The following NXPE2 variants were observed in gnomAD, a reference collection of about 807,000 sequenced individuals.
NXPE2 encodes the protein neurexophilin and PC-esterase domain family member 2, also known as NXPE family member 2.
NXPE2 carries 34 observed loss-of-function variants against 34.4 expected under a neutral mutation model. That is an observed-to-expected ratio of 0.99 (90% CI 0.75 to 1.31). NXPE2 has a LOEUF of 1.31. Among genes scored for constraint, NXPE2 ranks in the 40% most tolerant of loss-of-function variants. NXPE2 has a pLI of 0.00. For synonymous variants in NXPE2, 235 were observed against 231.3 expected, an observed-to-expected ratio of 1.02 and a Z score of -0.15; for missense variants, 649 against 672.5, an observed-to-expected ratio of 0.97 and a Z score of 0.39.
chr11:114,466,555 AAT>A, the NXPE2 span, among the ~76,000 whole-genome samples: 38,443 of 151,230 alleles, frequency 0.25, 4,997 homozygotes, highest in East Asian at 0.37. Context: ...TAATTTCTTG[AAT>A]ATATATATAT....
chr11:114,608,975 C>A, the NXPE2 span, among the ~76,000 whole-genome samples: 24 of 151,986 alleles, frequency 1.6e-4, no homozygotes, highest in South Asian at 4.2e-3. Flanking sequence ...AGTGTTGCCT[C>A]GTGGGTAACC....
the NXPE2 span, among the ~76,000 whole-genome samples, chr11:114,803,064 C>T: frequency 6.6e-6 from 1 of 152,138 alleles, no homozygotes; most frequent in Non-Finnish European, 1.5e-5. Flanking sequence ...TCTCCACCAA[C>T]CTGTCTACTC....
the NXPE2 span, among the ~76,000 whole-genome samples, chr11:114,625,711 C>G: frequency 2.0e-5 from 3 of 152,142 alleles, no homozygotes; most frequent in African/African-American, 7.2e-5. Flanking sequence ...TCTACAGCTC[C>G]CAGCATGAGC....
At chr11:114,738,058 G>A in the NXPE2 span, among the ~76,000 whole-genome samples, 1 of 152,174 alleles carries the variant, frequency 6.6e-6, no homozygotes, top group Non-Finnish European at 1.5e-5. Context: ...CTGCACTTCA[G>A]CTTGGGCCAC....
downstream of NXPE2, among the ~76,000 whole-genome samples, chr11:114,709,455 C>T (rs1859569028): frequency 6.6e-6 from 1 of 152,084 alleles, no homozygotes; most frequent in African/African-American, 2.4e-5. Flanking sequence ...AATGTTTTGG[C>T]TTAAGGTGAT....
the NXPE2 span, among the ~76,000 whole-genome samples, chr11:114,470,184 G>GT: frequency 1.3e-5 from 2 of 151,406 alleles, no homozygotes; most frequent in African/African-American, 4.8e-5. Flanking sequence ...ATGGACATAT[G>GT]TTTTTTTTTC....
At chr11:114,713,752 G>A in the NXPE2 span, among the ~76,000 whole-genome samples, 2 of 152,198 alleles carry the variant, frequency 1.3e-5, no homozygotes, top group Non-Finnish European at 2.9e-5. Context: ...ACAGTTCTCT[G>A]TTAATAAAGG....
chr11:114,488,496 A>G, the NXPE2 span, among the ~76,000 whole-genome samples: 6 of 152,212 alleles, frequency 3.9e-5, no homozygotes, highest in Non-Finnish European at 7.3e-5. Flanking sequence ...AACAGAAATT[A>G]TAACTAACTG....
chr11:114,609,005 T>C, the NXPE2 span, among the ~76,000 whole-genome samples: 1 of 151,936 alleles, frequency 6.6e-6, no homozygotes, highest in Admixed American at 6.6e-5. Context: ...AGGTGGATAA[T>C]AAGTGTTGCC....
rs1490697353 is a variant in NXPE2, at chr11:114,705,893, T to C, written c.1041T>C (p.Asn347=). ...CATTTTGTAAACAGATCAAGTTCAA[T>C]GAAACAAAAAATATAAATGACTGCT... is the stretch of plus-strand genomic sequence containing the variant. ...ITAFCKQIKF[N]ETKNINDCLE... is the part of the protein sequence containing the mutation. The change falls in exon 5 of 6, where the codon AAT becomes AAC. Residue 347 remains asparagine (N), a synonymous_variant. Transcript: ENST00000389586. 1 of 1,543,110 alleles carries C rather than the reference T, an allele frequency of 6.5e-7. No homozygotes were observed. Among genetic ancestry groups the C allele is most frequent in the Non-Finnish European group, 8.7e-7 (1 of 1,143,140 alleles).
the NXPE2 span, among the ~76,000 whole-genome samples, chr11:114,633,108 A>G: frequency 8.3e-6 from 1 of 120,564 alleles, no homozygotes; most frequent in African/African-American, 3.3e-5. Flanking sequence ...TATATTTTAC[A>G]TTATATTTTA....
chr11:114,606,494 A>C, the NXPE2 span, among the ~76,000 whole-genome samples: 1 of 151,690 alleles, frequency 6.6e-6, no homozygotes, highest in Non-Finnish European at 1.5e-5. Context: ...CTTGGTGGAT[A>C]ATAAGTGTTG....
rs554478169 is a variant in NXPE2, at chr11:114,681,556, G to A, written c.132+1794G>A. On this transcript the variant is annotated intron_variant, in intron 2 of 5. Transcript: ENST00000389586. ...CTCCAGGTTTTCATGTAACTTCCAC[G>A]TAGTTCTTACTTCCTTCAAGTCTTT... 2.6e-5 allele frequency among the ~76,000 whole-genome samples: 4 copies of A among 152,136 alleles called. No individual in the cohort carries two copies. The South Asian group carries it at 6.2e-4, about 24-fold the overall frequency.
At chr11:114,696,893 G>A (rs1328678868) in intron 2 of NXPE2, among the ~76,000 whole-genome samples, 1 of 152,140 alleles carries the variant, frequency 6.6e-6, no homozygotes, top group Non-Finnish European at 1.5e-5. Context: ...GCTATACAGT[G>A]TAAATGCTGT....
the NXPE2 span, among the ~76,000 whole-genome samples, chr11:114,778,716 G>C: frequency 6.6e-5 from 10 of 152,276 alleles, no homozygotes; most frequent in African/African-American, 2.4e-4. Context: ...GGAGGAAGGA[G>C]CATGTCCATC....
the NXPE2 span, among the ~76,000 whole-genome samples, chr11:114,615,515 C>T: frequency 6.6e-6 from 1 of 151,694 alleles, no homozygotes; most frequent in African/African-American, 2.4e-5. Flanking sequence ...ATACATGTTG[C>T]CTCACAGGTA....
chr11:114,575,292 T>C, the NXPE2 span, among the ~76,000 whole-genome samples: 1 of 152,026 alleles, frequency 6.6e-6, no homozygotes, highest in African/African-American at 2.4e-5. Flanking sequence ...AAGACAAGAA[T>C]GCCCATTCTC....
At chr11:114,625,513 G>C in the NXPE2 span, among the ~76,000 whole-genome samples, 3 of 151,412 alleles carry the variant, frequency 2.0e-5, no homozygotes, top group African/African-American at 7.3e-5. Context: ...ACTGTTACCA[G>C]GTGGATAATA....
At chr11:114,620,432 C>T in the NXPE2 span, among the ~76,000 whole-genome samples, 1 of 152,038 alleles carries the variant, frequency 6.6e-6, no homozygotes, top group Non-Finnish European at 1.5e-5. Context: ...CATGGGTAAC[C>T]ACTGTTACCC....
Sources: allele counts gnomAD v4.1 joint callset (sites outside exome capture counted in the v4.1 genomes callset), GRCh38; gene constraint gnomAD v4.1.1; transcripts MANE v1.5; gene names NCBI Gene and HGNC (gene_info 2026-07-23, HGNC 2026-07-21).